Variants in TSPAN5 observed in about 807,000 individuals in gnomAD.
TSPAN5 encodes tetraspanin-5.
A neutral mutation model predicts 37.1 loss-of-function variants in TSPAN5; 10 were observed. That is an observed-to-expected ratio of 0.27 (90% confidence interval 0.17 to 0.46). The LOEUF (loss-of-function observed/expected upper bound fraction) is 0.46, where lower values mean the gene tolerates loss of function less well. Among genes scored for constraint, TSPAN5 ranks in the 20% least tolerant of loss-of-function variants. The pLI, the probability that TSPAN5 is intolerant of heterozygous loss-of-function variation, is 1.00. For synonymous variants in TSPAN5, 110 were observed against 118.9 expected (o/e 0.93, Z 0.48); for missense variants, 195 against 326.6 (o/e 0.60, Z 3.11).
At chr4:98,510,153 G>A (rs562832150) in intron 1 of TSPAN5, among the ~76,000 whole-genome samples, 80 of 152,250 alleles carry the variant, frequency 5.3e-4, no homozygotes, top group Non-Finnish European at 9.4e-4. Context: ...TGAAATAGGC[G>A]CTCTTATTAT....
At chr4:98,510,559 T>C (rs1393091031) in intron 1 of TSPAN5, among the ~76,000 whole-genome samples, 1 of 152,224 alleles carries the variant, frequency 6.6e-6, no homozygotes, top group African/African-American at 2.4e-5. Context: ...TCTCTCCTCT[T>C]GGCACTTTGA....
At chr4:98,624,684 G>A (rs564227214) in intron 1 of TSPAN5, among the ~76,000 whole-genome samples, 19 of 152,184 alleles carry the variant, frequency 1.2e-4, no homozygotes, top group African/African-American at 4.1e-4. Context: ...TCAGTATGAC[G>A]ATAGTACTTG....
intron 1 of TSPAN5, among the ~76,000 whole-genome samples, chr4:98,628,134 C>G (rs1756649940): frequency 6.6e-6 from 1 of 152,162 alleles, no homozygotes; most frequent in Non-Finnish European, 1.5e-5. Flanking sequence ...ACACCATTCC[C>G]CATTTTAAAC....
chr4:98,641,966 G>A (rs764133493), intron 1 of TSPAN5, among the ~76,000 whole-genome samples: 3 of 152,204 alleles, frequency 2.0e-5, no homozygotes, highest in Non-Finnish European at 2.9e-5. Context: ...TGAACAGTGA[G>A]TAGTAAAAAC....
rs114171385 is a variant in TSPAN5, at chr4:98,645,115, G to C, written c.81+13031C>G. Among the ~76,000 whole-genome samples, 258 of 152,250 alleles carry C rather than the reference G, an allele frequency of 1.7e-3. 1 individual carries two copies. Among genetic ancestry groups the C allele is most frequent in the African/African-American group, 6.0e-3 (250 of 41,524 alleles). On this transcript the variant is annotated intron_variant, in intron 1 of 7. Transcript: ENST00000305798. Reference sequence around the variant, plus strand: ...AATATCCTTCAATATAAAGTCACTGGTTTTCAACTATCTTTTCATCCTCTG... The same window carrying C: ...AATATCCTTCAATATAAAGTCACTGCTTTTCAACTATCTTTTCATCCTCTG...
rs374452462 is a variant in TSPAN5, at chr4:98,509,576, C to T, written c.82-1848G>A. On this transcript the variant is annotated intron_variant, in intron 1 of 7. Coordinates refer to ENST00000305798, the MANE Select transcript of TSPAN5 (RefSeq NM_005723.4). ...CCTTGATTTGGCAAGAACTGAAGAC[C>T]CCTTTCTTCCTACCCCTTGCTCTTA... 9.9e-5 allele frequency among the ~76,000 whole-genome samples: 15 copies of T among 152,250 alleles called. 1 individual carries two copies. In the South Asian group the frequency reaches 1.5e-3, roughly 15 times the overall value.
chr4:98,545,530 TAA>T (rs1025310683), intron 1 of TSPAN5, among the ~76,000 whole-genome samples: 1 of 152,080 alleles, frequency 6.6e-6, no homozygotes, highest in Non-Finnish European at 1.5e-5. Context: ...TTTCTACACA[TAA>T]GACTTTTTTT....
chr4:98,504,452 C>G (rs1753429262), intron 2 of TSPAN5, among the ~76,000 whole-genome samples: 1 of 152,202 alleles, frequency 6.6e-6, no homozygotes, highest in Non-Finnish European at 1.5e-5. Context: ...TCACATCCTC[C>G]TCAAGAGACC....
intron 1 of TSPAN5, among the ~76,000 whole-genome samples, chr4:98,557,645 ACGTAGTGG>A (rs1321196540): frequency 6.6e-6 from 1 of 152,350 alleles, no homozygotes; most frequent in East Asian, 1.9e-4. Flanking sequence ...CAAGGGCTGT[ACGTAGTGG>A]CCTCCTTCCA....
intron 1 of TSPAN5, among the ~76,000 whole-genome samples, chr4:98,609,608 C>T (rs1419425345): frequency 6.6e-6 from 1 of 152,132 alleles, no homozygotes; most frequent in Non-Finnish European, 1.5e-5. Flanking sequence ...CCTCTCGTGT[C>T]CAGGTGCAGG....
At chr4:98,629,448 ATC>A (rs1756693953) in intron 1 of TSPAN5, among the ~76,000 whole-genome samples, 1 of 152,224 alleles carries the variant, frequency 6.6e-6, no homozygotes, top group Non-Finnish European at 1.5e-5. Context: ...CCTTGTATCA[ATC>A]GACACACTAG....
intron 1 of TSPAN5, among the ~76,000 whole-genome samples, chr4:98,537,824 A>G (rs1754270793): frequency 6.6e-6 from 1 of 152,204 alleles, no homozygotes; most frequent in Non-Finnish European, 1.5e-5. Context: ...TGATCCTACA[A>G]TGAAGAGCTG....
chr4:98,552,923 G>C (rs1188017471), intron 1 of TSPAN5, among the ~76,000 whole-genome samples: 1 of 152,122 alleles, frequency 6.6e-6, no homozygotes, highest in Non-Finnish European at 1.5e-5. Context: ...AGGATTCTGT[G>C]CTTCTCCATC....
intron 1 of TSPAN5, among the ~76,000 whole-genome samples, chr4:98,533,546 T>C (rs1405000532): frequency 1.1e-5 from 1 of 95,220 alleles, no homozygotes; most frequent in South Asian, 4.7e-4. Flanking sequence ...CCTATATCTT[T>C]TTTTTTTTTT....
chr4:98,610,635 A>G (rs1468544661), intron 1 of TSPAN5, among the ~76,000 whole-genome samples: 4 of 152,194 alleles, frequency 2.6e-5, no homozygotes, highest in Non-Finnish European at 5.9e-5. Flanking sequence ...CGAGTGAATG[A>G]ACTGGTTCCA....
rs568040481 is a variant in TSPAN5, at chr4:98,626,496, T to C, written c.81+31650A>G. ...CTCAGTGGCAACAAGCCTAGAATAA[T>C]CTCCCTGCTCTGCCTTTCTGACTCA... On this transcript the variant is annotated intron_variant, in intron 1 of 7. Transcript: ENST00000305798. 4.6e-5 allele frequency among the ~76,000 whole-genome samples: 7 copies of C among 152,166 alleles called. No individual in the cohort carries two copies. The South Asian group carries it at 1.0e-3, about 23-fold the overall frequency.
At chr4:98,577,009 C>T (rs112291949) in intron 1 of TSPAN5, among the ~76,000 whole-genome samples, 9 of 152,270 alleles carry the variant, frequency 5.9e-5, no homozygotes, top group African/African-American at 2.2e-4. Flanking sequence ...GATCTGCCCA[C>T]CTCGGCCTCC....
intron 1 of TSPAN5, among the ~76,000 whole-genome samples, chr4:98,598,999 TC>T (rs1467079572): frequency 6.6e-6 from 1 of 152,032 alleles, no homozygotes; most frequent in Non-Finnish European, 1.5e-5. Context: ...AACATACACT[TC>T]AAAAAATCTC....
intron 1 of TSPAN5, among the ~76,000 whole-genome samples, chr4:98,617,893 C>T (rs1187664792): frequency 6.6e-6 from 1 of 152,218 alleles, no homozygotes; most frequent in African/African-American, 2.4e-5. Flanking sequence ...CCATCATTTT[C>T]AAAGCTAGAG....
Sources: allele counts gnomAD v4.1 joint callset (sites outside exome capture counted in the v4.1 genomes callset), GRCh38; gene constraint gnomAD v4.1.1; transcripts MANE v1.5; gene names NCBI Gene and HGNC (gene_info 2026-07-23, HGNC 2026-07-21).